Variants in PPP3CB observed in about 807,000 individuals in gnomAD.
PPP3CB encodes the protein protein phosphatase 3 catalytic subunit beta.
PPP3CB carries 8 observed loss-of-function variants against 66.4 expected under a neutral mutation model. That is an observed-to-expected ratio of 0.12 (90% CI 0.07 to 0.22). PPP3CB has a LOEUF of 0.22. Ranked by LOEUF, PPP3CB falls within the 10% of genes least tolerant of loss-of-function variation. PPP3CB has a pLI of 1.00. For synonymous variants in PPP3CB, 208 were observed against 221.2 expected, an observed-to-expected ratio of 0.94 and a Z score of 0.53; for missense variants, 319 against 642.5, an observed-to-expected ratio of 0.50 and a Z score of 5.44.
intron 11 of PPP3CB, among the ~76,000 whole-genome samples, chr10:73,446,050 C>A (rs2056244850): frequency 1.3e-5 from 2 of 151,838 alleles, no homozygotes; most frequent in East Asian, 3.9e-4. Context: ...CCTGGCCAGG[C>A]CTAAGTAACT....
chr10:73,481,474 T>C (rs1168129014), intron 1 of PPP3CB, among the ~76,000 whole-genome samples: 1 of 150,476 alleles, frequency 6.6e-6, no homozygotes, highest in South Asian at 2.1e-4. Context: ...CCATCAAATA[T>C]ATATATATAT....
intron 10 of PPP3CB, among the ~76,000 whole-genome samples, chr10:73,450,511 C>T (rs1220282449): frequency 6.6e-6 from 1 of 152,208 alleles, no homozygotes; most frequent in Non-Finnish European, 1.5e-5. Context: ...ATTCCCATTT[C>T]TCCATGCAAA....
At chr10:73,465,996 A>G (rs1265477528) in intron 9 of PPP3CB, among the ~76,000 whole-genome samples, 1 of 152,240 alleles carries the variant, frequency 6.6e-6, no homozygotes, top group Non-Finnish European at 1.5e-5. Context: ...TTCTTTGTTT[A>G]TAAAAGATGA....
intron 10 of PPP3CB, among the ~76,000 whole-genome samples, chr10:73,450,442 TC>T (rs1278041386): frequency 6.6e-6 from 1 of 152,220 alleles, no homozygotes; most frequent in Non-Finnish European, 1.5e-5. Context: ...AACCTTAGTA[TC>T]TATCCGAATC....
At chr10:73,458,727 TATATTTTTTCATCCA>T (rs199864653) in intron 9 of PPP3CB, among the ~76,000 whole-genome samples, 2,291 of 151,506 alleles carry the variant, frequency 0.015, 65 homozygotes, top group African/African-American at 0.052. Context: ...TTAAAATATA[TATATTTTTTCATCCA>T]AAGAATATAT....
chr10:73,449,059 C>A (rs1370325794), intron 10 of PPP3CB, among the ~76,000 whole-genome samples: 1 of 152,110 alleles, frequency 6.6e-6, no homozygotes, highest in South Asian at 2.1e-4. Context: ...TATAGTCATA[C>A]CCCTAAGGAA....
rs746120729 is a variant in PPP3CB at position 73,438,264 on chromosome 10, G to A, written c.1553C>T (p.Thr518Met). 5.3e-5 allele frequency: 86 copies of A among 1,613,798 alleles called. No individual in the cohort carries two copies. In the East Asian group the frequency reaches 7.4e-4, roughly 14 times the overall value. The change falls in exon 14 of 14, where the codon ACG (threonine) becomes ATG (methionine). Residue 518 changes from threonine to methionine, a missense_variant. Thr to Met is a moderately conservative substitution (Grantham distance 81). This residue lies in a region of PPP3CB where 25 missense variants were observed against 26.4 expected (regional missense o/e 0.95). Coordinates refer to ENST00000360663, the MANE Select transcript of PPP3CB (RefSeq NM_021132.4). ...GGGTCACTGGGCAGTATGGTTGCCCGTCCCGTGGTTCTCAGTGGCATGTGC... is the reference window on the plus strand; with the variant it reads ...GGGTCACTGGGCAGTATGGTTGCCCATCCCGTGGTTCTCAGTGGCATGTGC... ...NTAHATENHG[T>M]GNHTAQ
intron 10 of PPP3CB, among the ~76,000 whole-genome samples, chr10:73,447,956 A>G (rs1308962211): frequency 6.6e-6 from 1 of 152,038 alleles, no homozygotes; most frequent in Non-Finnish European, 1.5e-5. Flanking sequence ...GAATATTAGA[A>G]TTTGAAGAGA....
intron 1 of PPP3CB, among the ~76,000 whole-genome samples, chr10:73,492,157 A>G (rs1383447935): frequency 6.6e-6 from 1 of 152,198 alleles, no homozygotes; most frequent in East Asian, 1.9e-4. Flanking sequence ...ACATAAATTC[A>G]GCATTTTGGT....
chr10:73,462,838 G>A lies in PPP3CB; in HGVS notation c.1108+4715C>T, dbSNP rs868053309. ...GGTGACATGCACCTGTAATCCCAGA[G>A]ACTTGGGAGGCAGAAGCATGAGAAC... On this transcript the variant is annotated intron_variant, in intron 9 of 13. Coordinates refer to ENST00000360663, the MANE Select transcript of PPP3CB (RefSeq NM_021132.4). Among the ~76,000 whole-genome samples, 64 of 148,626 alleles carry A rather than the reference G, an allele frequency of 4.3e-4. 1 individual carries two copies. In the Middle Eastern group the frequency reaches 0.017, roughly 40 times the overall value.
intron 12 of PPP3CB, among the ~76,000 whole-genome samples, chr10:73,441,617 T>C (rs1258327434): frequency 4.6e-5 from 7 of 152,188 alleles, no homozygotes; most frequent in African/African-American, 1.4e-4. Context: ...ATGGCCTTAA[T>C]AAGTTTGAGC....
At chr10:73,440,875 T>C (rs1281042638) in intron 12 of PPP3CB, among the ~76,000 whole-genome samples, 1 of 152,224 alleles carries the variant, frequency 6.6e-6, no homozygotes. Flanking sequence ...TTCACCATAA[T>C]TAGTCAAACA....
At chr10:73,476,810 G>C (rs555602024) in intron 3 of PPP3CB, among the ~76,000 whole-genome samples, 1 of 152,012 alleles carries the variant, frequency 6.6e-6, no homozygotes. Flanking sequence ...AAAAGTTGAC[G>C]AGGCTAATAA....
intron 8 of PPP3CB, 143 bp from the exon 9 acceptor site, chr10:73,467,821 G>A (rs1218828676): frequency 3.1e-6 from 2 of 654,768 alleles, no homozygotes; most frequent in African/African-American, 1.9e-5. Flanking sequence ...GGTAGAGGGA[G>A]GAAGGAACTA....
At position 73,479,503 on chromosome 10, in the gene PPP3CB, G is replaced by A; in HGVS notation, c.100C>T (p.Pro34Ser). The change falls in exon 2 of 14, where the codon CCA (proline) becomes TCA (serine). Residue 34 changes from proline to serine, a missense_variant. Transcript: ENST00000360663. ...DRVVKAVPFPPTHRLTSEEVF... is the reference protein window; with the variant it reads ...DRVVKAVPFPSTHRLTSEEVF... ...TCTTCAGATGTCAAGCGATGTGTTG[G>A]GGGGAAAGGGACAGCTGCAAATGTT... is the stretch of plus-strand genomic sequence containing the variant. The A allele has an allele frequency of 6.2e-7, 1 of 1,613,726 alleles. No homozygotes were observed.
chr10:73,454,520 T>G (rs1478541295), intron 9 of PPP3CB, 31 bp from the exon 10 acceptor site: 1 of 1,482,600 alleles, frequency 6.7e-7, no homozygotes, highest in East Asian at 2.3e-5. Flanking sequence ...ACATGTTAGC[T>G]GACCATATAT....
chr10:73,495,786 G>A lies in PPP3CB; in HGVS notation c.85+19C>T, dbSNP rs372069711. ...CTAGCTCTTCAGGCCAGGCCCCCAG[G>A]GTTTCGTCCACCTCTCACCTTTGAC... On this transcript the variant is annotated intron_variant, in intron 1 of 13. Transcript: ENST00000360663. 2.5e-6 allele frequency: 4 copies of A among 1,569,362 alleles called. No homozygotes were observed. The highest frequency in any genetic ancestry group is 1.1e-5 in the South Asian group (1 of 89,422).
intron 1 of PPP3CB, among the ~76,000 whole-genome samples, chr10:73,487,564 CA>C (rs746889105): frequency 4.5e-3 from 296 of 65,218 alleles, no homozygotes; most frequent in Middle Eastern, 0.031. Context: ...AAACCAAAAC[CA>C]AAAAAAAAAA....
At chr10:73,457,260 GAAAAAAAAAAAAA>G (rs35129439) in intron 9 of PPP3CB, among the ~76,000 whole-genome samples, 28 of 69,034 alleles carry the variant, frequency 4.1e-4, no homozygotes, top group South Asian at 1.9e-3. Context: ...CTCTAAAAAA[GAAAAAAAAAAAAA>G]AAAAAAAAAA....
Sources: gnomAD v4.1 joint callset for allele counts (sites outside exome capture counted in the v4.1 genomes callset) on GRCh38, gnomAD v4.1.1 for gene constraint, gnomAD v4.1.1 regional missense constraint, MANE v1.5 for transcripts, NCBI Gene and HGNC (gene_info 2026-07-23, HGNC 2026-07-21) for gene names.